The following SYCP3 variants were observed in gnomAD, a reference collection of about 807,000 sequenced individuals.
The protein encoded by SYCP3 is synaptonemal complex protein 3.
SYCP3 carries 29 observed loss-of-function variants against 38.5 expected under a neutral mutation model. The ratio of observed to expected loss-of-function variants is 0.75; its 90% CI spans 0.56 to 1.03. The LOEUF (loss-of-function observed/expected upper bound fraction) is 1.03, where lower values mean the gene tolerates loss of function less well. Among genes scored for constraint, SYCP3 ranks in the 50% least tolerant of loss-of-function variants. The pLI, the probability that SYCP3 is intolerant of heterozygous loss-of-function variation, is 0.00. For missense variants in SYCP3, 242 were observed against 270.7 expected (o/e 0.89, Z 0.74); for synonymous variants, 79 against 80.3 (o/e 0.98, Z 0.08).
intron 1 of SYCP3, 138 bp from the exon 2 acceptor site, chr12:101,738,090 G>A (rs776040722): frequency 1.3e-5 from 13 of 1,001,442 alleles, no homozygotes; most frequent in Non-Finnish European, 1.8e-5. Flanking sequence ...TTATTTGGGG[G>A]GCCAAAAGTT....
chr12:101,735,846 C>A (rs1952392945), intron 4 of SYCP3, among the ~76,000 whole-genome samples: 4 of 102,808 alleles, frequency 3.9e-5, no homozygotes, highest in South Asian at 3.2e-4. Flanking sequence ...TTAATATAAT[C>A]AATTTTATAT....
chr12:101,736,576 T>G (rs1952453063), intron 4 of SYCP3, among the ~76,000 whole-genome samples: 1 of 152,172 alleles, frequency 6.6e-6, no homozygotes, highest in African/African-American at 2.4e-5. Flanking sequence ...CTACATAGTT[T>G]ATTAATGTAA....
chr12:101,735,871 A>ATATATATATTTTTT, intron 4 of SYCP3, among the ~76,000 whole-genome samples: 5 of 74,760 alleles, frequency 6.7e-5, no homozygotes, highest in South Asian at 8.5e-4. Context: ...ATATATATAT[A>ATATATATATTTTTT]TTTTTTTTTT....
Position 101,739,374 on chromosome 12 carries a change from G to A in SYCP3, c.-41C>T. 1.0e-6 allele frequency: 1 copy of A among 1,002,856 alleles called. No homozygotes were observed. The highest frequency in any genetic ancestry group is 1.2e-6 in the Non-Finnish European group (1 of 830,386). The allele number at this position is 1,002,856 out of a possible 1,614,324, so 62.1% of individuals were successfully genotyped here. A position where few individuals can be genotyped will look rare whatever the true frequency, so the allele number is the denominator to read the frequency against. ...ACCTGAAACACACCGCAATGGCCGA[G>A]GACCAGTTACTGGTCGTCGACAGGC... On this transcript the variant is annotated 5_prime_UTR_variant, in exon 1 of 9. Coordinates refer to ENST00000392924, the MANE Select transcript of SYCP3 (RefSeq NM_001177949.2).
At chr12:101,730,661 T>TTTTG (rs971166280) in intron 7 of SYCP3, 4 of 295,626 alleles carry the variant, frequency 1.4e-5, no homozygotes, top group Non-Finnish European at 2.0e-5. Flanking sequence ...GCCCAGCTAT[T>TTTTG]TTTGTTTGTT....
At chr12:101,737,512 C>A in intron 2 of SYCP3, 1 of 652,614 alleles carries the variant, frequency 1.5e-6, no homozygotes, top group Non-Finnish European at 2.6e-6. Context: ...TCAAGTCTCC[C>A]TGGGTTAATG....
In SYCP3 at chr12:101,739,343, G is replaced by A; in HGVS notation, c.-18+8C>T. ...CCTGCGATAGACAGACGCCTCCCCT[G>A]CTCACACCTGAAACACACCGCAATG... is the stretch of plus-strand genomic sequence containing the variant. On this transcript the variant is annotated splice_region_variant and intron_variant, in intron 1 of 8. Transcript: ENST00000392924. The A allele has an allele frequency of 3.0e-6, 3 of 1,002,868 alleles. No individual in the cohort carries two copies. Among genetic ancestry groups the A allele is most frequent in the Non-Finnish European group, 3.6e-6 (3 of 830,396 alleles). 62.1% of individuals were successfully genotyped at this position (1,002,868 alleles called of 1,614,324 possible).
In SYCP3 at chr12:101,735,434, A is replaced by T. The variant is rs528214161; in HGVS notation, c.236-390T>A. ...TCCCAGCACTTTGGGAGTCTGAGGC[A>T]GGCAGATCACAAGGTCAAAAGATCG... On this transcript the variant is annotated intron_variant, in intron 4 of 8. Transcript: ENST00000392924. 6.6e-5 allele frequency among the ~76,000 whole-genome samples: 10 copies of T among 152,264 alleles called. No homozygotes were observed. In the East Asian group the frequency reaches 1.9e-3, roughly 29 times the overall value.
At chr12:101,733,823 T>G in intron 5 of SYCP3, 149 bp from the exon 6 acceptor site, 1 of 651,672 alleles carries the variant, frequency 1.5e-6, no homozygotes. Flanking sequence ...AGTAAAATTA[T>G]GATTTACACT....
At chr12:101,739,251 G>C in intron 1 of SYCP3, 100 bp downstream of exon 1, 1 of 997,548 alleles carries the variant, frequency 1.0e-6, no homozygotes, top group Non-Finnish European at 1.2e-6. Context: ...TTTCTCGTCA[G>C]AGGCCCCAGG....
At chr12:101,736,887 A>G (rs1952468484) in intron 4 of SYCP3, 150 bp downstream of exon 4, 2 of 716,636 alleles carry the variant, frequency 2.8e-6, no homozygotes, top group Admixed American at 5.5e-5. Context: ...AAAATCTGTG[A>G]TGCTAAATCA....
Position 101,735,871 on chromosome 12 carries a change from A to ATATATATATATATATATTTTTTTTTTT in SYCP3, c.236-828_236-827insAAAAAAAAAAATATATATATATATATA. Among the ~76,000 whole-genome samples, 123 of 74,574 alleles carry ATATATATATATATATATTTTTTTTTTT rather than the reference A, an allele frequency of 1.6e-3. 2 individuals are homozygous for ATATATATATATATATATTTTTTTTTTT. The highest frequency in any genetic ancestry group is 2.3e-3 in the Non-Finnish European group (92 of 39,852). The allele number at this position is 74,574 out of a possible 152,430, so 48.9% of individuals were successfully genotyped here. On this transcript the variant is annotated intron_variant, in intron 4 of 8. Coordinates refer to ENST00000392924, the MANE Select transcript of SYCP3 (RefSeq NM_001177949.2). ...CAATTTTATATATATATATATATAT[A>ATATATATATATATATATTTTTTTTTTT]TTTTTTTTTTTTTAAAGACACGGGG...
intron 1 of SYCP3, among the ~76,000 whole-genome samples, chr12:101,738,774 C>A (rs1001971727): frequency 1.3e-5 from 2 of 152,174 alleles, no homozygotes; most frequent in African/African-American, 4.8e-5. Flanking sequence ...AGTGTCCACC[C>A]CGACTCCAAG....
At chr12:101,735,871 A>ATATATATATATATATATATATTTTTTTT in intron 4 of SYCP3, among the ~76,000 whole-genome samples, 12 of 74,734 alleles carry the variant, frequency 1.6e-4, no homozygotes, top group East Asian at 7.7e-4. Flanking sequence ...ATATATATAT[A>ATATATATATATATATATATATTTTTTTT]TTTTTTTTTT....
chr12:101,736,304 T>C (rs1952439250), intron 4 of SYCP3, among the ~76,000 whole-genome samples: 1 of 152,160 alleles, frequency 6.6e-6, no homozygotes, highest in Admixed American at 6.6e-5. Context: ...GCTGCACTAT[T>C]ACATAAATAT....
chr12:101,736,716 G>A (rs1433522784), intron 4 of SYCP3, among the ~76,000 whole-genome samples: 1 of 148,850 alleles, frequency 6.7e-6, no homozygotes, highest in Non-Finnish European at 1.5e-5. Flanking sequence ...ATATGTGTGT[G>A]TGTGTGTGTG....
chr12:101,735,871 A>ATATATATATATATTTTTTTTT, intron 4 of SYCP3, among the ~76,000 whole-genome samples: 16 of 74,742 alleles, frequency 2.1e-4, no homozygotes, highest in African/African-American at 6.9e-4. Flanking sequence ...ATATATATAT[A>ATATATATATATATTTTTTTTT]TTTTTTTTTT....
intron 1 of SYCP3, among the ~76,000 whole-genome samples, chr12:101,738,295 G>A (rs1252953101): frequency 6.6e-6 from 1 of 150,956 alleles, no homozygotes; most frequent in Non-Finnish European, 1.5e-5. Flanking sequence ...GGGCGTGGTG[G>A]CACGTGCCTG....
chr12:101,731,515 C>T (rs1464614023), intron 7 of SYCP3, 53 bp downstream of exon 7: 4 of 1,232,650 alleles, frequency 3.2e-6, no homozygotes, highest in African/African-American at 1.5e-5. Context: ...CTTCTACTTC[C>T]ATAAATATAT....
Sources: allele counts gnomAD v4.1 joint callset (sites outside exome capture counted in the v4.1 genomes callset), GRCh38; gene constraint gnomAD v4.1.1; transcripts MANE v1.5; gene names NCBI Gene and HGNC (gene_info 2026-07-23, HGNC 2026-07-21).